FRMD3: variants seen among roughly 807,000 people sequenced by gnomAD.
FRMD3 encodes FERM domain-containing protein 3.
Under a neutral mutation model 70.2 loss-of-function variants are expected in FRMD3, and 33 were observed. The observed-to-expected ratio is 0.47, with a 90% CI of 0.36 to 0.63. FRMD3 has a LOEUF of 0.63. FRMD3 is among the 20% of genes least tolerant of loss of function. The pLI is 0.00. For synonymous variants in FRMD3, 279 were observed against 255.9 expected, an observed-to-expected ratio of 1.09 and a Z score of -0.86; for missense variants, 632 against 711.4, an observed-to-expected ratio of 0.89 and a Z score of 1.27.
At chr9:83,438,470 A>G (rs902828079) in intron 1 of FRMD3, among the ~76,000 whole-genome samples, 3 of 151,988 alleles carry the variant, frequency 2.0e-5, no homozygotes, top group Non-Finnish European at 2.9e-5. Context: ...CCCAGGCTGG[A>G]GTGCAATGGC....
In FRMD3 at chr9:83,245,182, CAT is replaced by C; in HGVS notation, c.*2734_*2735del. ...TATGTTGTGTCTATTCAAAGACACA[CAT>C]ATATACAGATTCATATATAAACACA... is the stretch of plus-strand genomic sequence containing the variant. On this transcript the variant is annotated 3_prime_UTR_variant, in exon 14 of 14. Transcript: ENST00000304195. The C allele has an allele frequency of 1.0e-6, 1 of 984,482 alleles. No homozygotes were observed. Among genetic ancestry groups the C allele is most frequent in the Non-Finnish European group, 1.2e-6 (1 of 829,124 alleles). 61.0% of individuals were successfully genotyped at this position (984,482 alleles called of 1,614,324 possible).
intron 1 of FRMD3, among the ~76,000 whole-genome samples, chr9:83,465,044 A>C (rs60254863): frequency 0.13 from 18,766 of 149,066 alleles, 1,437 homozygotes; most frequent in East Asian, 0.2. Flanking sequence ...AAAAAAGAAG[A>C]AGAAGCAGCA....
chr9:83,382,053 G>GT (rs1244087548), intron 2 of FRMD3, among the ~76,000 whole-genome samples: 2 of 150,266 alleles, frequency 1.3e-5, no homozygotes, highest in African/African-American at 4.9e-5. Context: ...GCCATAGGAT[G>GT]TAAAAAAAAA....
intron 1 of FRMD3, among the ~76,000 whole-genome samples, chr9:83,417,206 C>G (rs1424893966): frequency 6.6e-6 from 1 of 152,172 alleles, no homozygotes; most frequent in African/African-American, 2.4e-5. Flanking sequence ...TACATTTTAC[C>G]TCCCAAATGA....
chr9:83,269,340 C>T (rs1833436167), intron 13 of FRMD3, among the ~76,000 whole-genome samples: 1 of 152,198 alleles, frequency 6.6e-6, no homozygotes, highest in Non-Finnish European at 1.5e-5. Context: ...ACAAAACTAT[C>T]ACCATATTTT....
chr9:83,389,484 T>G (rs1825604232), intron 2 of FRMD3, 120 bp downstream of exon 2: 1 of 692,166 alleles, frequency 1.4e-6, no homozygotes, highest in African/African-American at 1.7e-5. Flanking sequence ...ACACAGGGTT[T>G]CATGTGCCCA....
At chr9:83,378,492 CATATAAAATTTATATATATAAT>C (rs1564047170) in intron 2 of FRMD3, among the ~76,000 whole-genome samples, 4 of 126,044 alleles carry the variant, frequency 3.2e-5, no homozygotes, top group Non-Finnish European at 4.8e-5. Flanking sequence ...ATATAATATA[CATATAAAATTTATATATATAAT>C]ATACATATAA....
In FRMD3 at chr9:83,330,194, G is replaced by T. The variant is rs55679485; in HGVS notation, c.596+5322C>A. ...AGCCTGACCAACATGGAGAAACCCCGTCTTTACCAAAAATACAAAATTAGC... is the reference window on the plus strand; with the variant it reads ...AGCCTGACCAACATGGAGAAACCCCTTCTTTACCAAAAATACAAAATTAGC... On this transcript the variant is annotated intron_variant, in intron 6 of 13. Coordinates refer to ENST00000304195, the MANE Select transcript of FRMD3 (RefSeq NM_174938.6). 6.7e-3 allele frequency among the ~76,000 whole-genome samples: 1,020 copies of T among 152,032 alleles called. 12 individuals carry two copies. Among genetic ancestry groups the T allele is most frequent in the African/African-American group, 0.023 (969 of 41,466 alleles).
At chr9:83,474,065 G>A (rs969308100) in intron 1 of FRMD3, among the ~76,000 whole-genome samples, 1 of 152,180 alleles carries the variant, frequency 6.6e-6, no homozygotes, top group Non-Finnish European at 1.5e-5. Flanking sequence ...TGTACAGTAT[G>A]TGCATTTATA....
chr9:83,309,111 A>C (rs1480596036), intron 10 of FRMD3, among the ~76,000 whole-genome samples: 1 of 151,754 alleles, frequency 6.6e-6, no homozygotes, highest in African/African-American at 2.4e-5. Context: ...ACCACCCCCC[A>C]CCACTCCCCT....
upstream of FRMD3, among the ~76,000 whole-genome samples, chr9:83,540,395 CAAG>C (rs1329233481): frequency 1.3e-4 from 20 of 152,158 alleles, no homozygotes; most frequent in African/African-American, 4.3e-4. Context: ...ATAAGACCAA[CAAG>C]GACAGTAGTG....
At chr9:83,386,904 G>A (rs189451051) in intron 2 of FRMD3, among the ~76,000 whole-genome samples, 3 of 152,058 alleles carry the variant, frequency 2.0e-5, no homozygotes, top group Non-Finnish European at 4.4e-5. Context: ...ATTTGATTAA[G>A]GTTATGCATT....
intron 1 of FRMD3, among the ~76,000 whole-genome samples, chr9:83,523,221 CGGATGAGTGGATGGAAGAGT>C (rs1829618060): frequency 6.6e-6 from 1 of 151,082 alleles, no homozygotes; most frequent in East Asian, 1.9e-4. Context: ...GATAGATTTA[CGGATGAGTGGATGGAAGAGT>C]GGATGAGTGG....
intron 6 of FRMD3, among the ~76,000 whole-genome samples, chr9:83,317,876 G>A (rs1452806275): frequency 6.6e-6 from 1 of 152,114 alleles, no homozygotes; most frequent in Admixed American, 6.5e-5. Context: ...GGGAAAAGCT[G>A]TCAGCAACAC....
At chr9:83,385,300 T>C (rs79627471) in intron 2 of FRMD3, among the ~76,000 whole-genome samples, 1,853 of 152,254 alleles carry the variant, frequency 0.012, 35 homozygotes, top group African/African-American at 0.039. Flanking sequence ...ACCCACTTTT[T>C]CCCTAATCTT....
At chr9:83,351,881 A>C (rs1209026309) in intron 3 of FRMD3, among the ~76,000 whole-genome samples, 2 of 152,146 alleles carry the variant, frequency 1.3e-5, no homozygotes, top group East Asian at 3.8e-4. Flanking sequence ...TGCCATCCTC[A>C]CACAAATATA....
chr9:83,359,220 T>A (rs79612380), intron 3 of FRMD3, among the ~76,000 whole-genome samples: 5,651 of 152,196 alleles, frequency 0.037, 352 homozygotes, highest in African/African-American at 0.13. Flanking sequence ...CCACCCACAC[T>A]CGTAGGCACT....
chr9:83,444,440 T>C (rs993429956), intron 1 of FRMD3, among the ~76,000 whole-genome samples: 2 of 152,206 alleles, frequency 1.3e-5, no homozygotes, highest in African/African-American at 4.8e-5. Context: ...ATAAGCTAAG[T>C]CTCCTCCTCT....
At position 83,455,005 on chromosome 9, in the gene FRMD3, G is replaced by T. The variant is rs181842861; in HGVS notation, c.148-65297C>A. On this transcript the variant is annotated intron_variant, in intron 1 of 13. Coordinates refer to ENST00000304195, the MANE Select transcript of FRMD3 (RefSeq NM_174938.6). ...CAATACAAGCTAAGAGATATAAGAA[G>T]CCTAAAGAAAGAAATACCGAGTTTG... Among the ~76,000 whole-genome samples, 260 of 152,100 alleles carry T rather than the reference G, an allele frequency of 1.7e-3. 2 individuals carry two copies. Among genetic ancestry groups the T allele is most frequent in the Non-Finnish European group, 1.9e-3 (130 of 68,002 alleles).
Sources: allele counts gnomAD v4.1 joint callset (sites outside exome capture counted in the v4.1 genomes callset), GRCh38; gene constraint gnomAD v4.1.1; transcripts MANE v1.5; gene names NCBI Gene and HGNC (gene_info 2026-07-23, HGNC 2026-07-21).